ACTR8: variants seen among roughly 807,000 people sequenced by gnomAD.
The protein encoded by ACTR8 is actin-related protein 8.
ACTR8 carries 70 observed loss-of-function variants against 84.3 expected under a neutral mutation model. The observed-to-expected ratio is 0.83, with a 90% confidence interval of 0.68 to 1.01. The LOEUF (loss-of-function observed/expected upper bound fraction) is 1.01, where lower values mean the gene tolerates loss of function less well. Among genes scored for constraint, ACTR8 ranks in the 50% least tolerant of loss-of-function variants. ACTR8 has a pLI of 0.00. For missense variants in ACTR8, 672 were observed against 775.4 expected (o/e 0.87, Z 1.58); for synonymous variants, 268 against 275.2 (o/e 0.97, Z 0.26).
chr3:53,873,156 A>G (rs1202449842), intron 8 of ACTR8, 29 bp from the exon 9 acceptor site: 3 of 1,535,116 alleles, frequency 2.0e-6, no homozygotes, highest in Non-Finnish European at 2.7e-6. Context: ...GCTGTCAGTG[A>G]ATCAGTAAGA....
chr3:53,871,278 T>C lies in ACTR8; in HGVS notation c.1521A>G (p.Lys507=), dbSNP rs1433863199. The stretch of plus-strand genomic sequence containing the variant: ...GGATGGCTTTATCCAGGCCCAGGGC[T>C]TTTCCTTCAAACAGCGAGATGGCAG... ...RKTAISLFEG[K]ALGLDKAILH... Residue 507 remains lysine, a synonymous_variant, in exon 11 of 13, where the codon AAA becomes AAG. Coordinates refer to ENST00000335754, the MANE Select transcript of ACTR8 (RefSeq NM_022899.5). 1 of 1,614,230 alleles carries C rather than the reference T, an allele frequency of 6.2e-7. No individual in the cohort carries two copies. Among genetic ancestry groups the C allele is most frequent in the Non-Finnish European group, 8.5e-7 (1 of 1,180,020 alleles).
intron 4 of ACTR8, 65 bp downstream of exon 4, chr3:53,877,582 T>C: frequency 6.5e-7 from 1 of 1,532,064 alleles, no homozygotes; most frequent in Non-Finnish European, 9.0e-7. Context: ...GGTGGCAACG[T>C]AAATGAATTT....
Position 53,872,294 on chromosome 3 carries a change from A to G in ACTR8, c.1302+90T>C. On this transcript the variant is annotated intron_variant, in intron 10 of 12. Coordinates refer to ENST00000335754, the MANE Select transcript of ACTR8 (RefSeq NM_022899.5). ...TATATCAGTGTTATTATGCTGGAAG[A>G]TAGAACTGATTACAATGGCCTATTA... 2.2e-6 allele frequency: 3 copies of G among 1,355,020 alleles called. No individual in the cohort carries two copies. In the South Asian group the frequency reaches 5.4e-5, roughly 24 times the overall value. The allele number at this position is 1,355,020 out of a possible 1,614,324, so 83.9% of individuals were successfully genotyped here. A position where few individuals can be genotyped will look rare whatever the true frequency, so the allele number is the denominator to read the frequency against.
chr3:53,876,800 A>G, intron 5 of ACTR8, 87 bp from the exon 6 acceptor site: 1 of 657,082 alleles, frequency 1.5e-6, no homozygotes, highest in Non-Finnish European at 2.6e-6. Flanking sequence ...CTTCCCTCCA[A>G]AGGAGTAGCA....
downstream of ACTR8, among the ~76,000 whole-genome samples, chr3:53,864,582 G>T (rs1026305746): frequency 6.6e-6 from 1 of 152,120 alleles, no homozygotes; most frequent in Non-Finnish European, 1.5e-5. Context: ...TTCAGGTGAT[G>T]TGTTCAAAAG....
At chr3:53,877,886 T>C in intron 3 of ACTR8, 135 bp from the exon 4 acceptor site, 3 of 679,354 alleles carry the variant, frequency 4.4e-6, no homozygotes, top group Non-Finnish European at 7.5e-6. Flanking sequence ...AAATATTGAC[T>C]GGCTGCAAAA....
intron 10 of ACTR8, 104 bp from the exon 11 acceptor site, chr3:53,871,600 C>G: frequency 7.5e-7 from 1 of 1,339,704 alleles, no homozygotes; most frequent in Non-Finnish European, 1.0e-6. Context: ...AAAACAAAAG[C>G]CACACAGCAA....
rs1225541810 is a variant in ACTR8, at chr3:53,880,080, T to C, written c.153A>G (p.Ile51Met). ...TCCTTAAAGTTGTTGAACCTGGATGTATGACAATGATGAAGTTGCTCTGGA... is the reference window on the plus strand; with the variant it reads ...TCCTTAAAGTTGTTGAACCTGGATGCATGACAATGATGAAGTTGCTCTGGA... ...EQIQSNFIIVIHPGSTTLRIG... is the reference protein window; with the variant it reads ...EQIQSNFIIVMHPGSTTLRIG... The change falls in exon 2 of 13, where the codon ATA becomes ATG. Residue 51 changes from isoleucine to methionine, a missense_variant. Transcript: ENST00000335754. The C allele has an allele frequency of 8.7e-6, 14 of 1,613,882 alleles. No individual in the cohort carries two copies. Among genetic ancestry groups the C allele is most frequent in the Non-Finnish European group, 1.1e-5 (13 of 1,179,892 alleles).
At chr3:53,875,636 T>C (rs989657475) in intron 7 of ACTR8, among the ~76,000 whole-genome samples, 3 of 152,250 alleles carry the variant, frequency 2.0e-5, no homozygotes, top group African/African-American at 7.2e-5. Flanking sequence ...AGTAGCTCTA[T>C]GCCAAACCAC....
intron 6 of ACTR8, 63 bp downstream of exon 6, chr3:53,876,557 A>T: frequency 1.1e-6 from 1 of 914,012 alleles, no homozygotes; most frequent in Non-Finnish European, 1.7e-6. Context: ...AAATAAGATT[A>T]ACTCTGTCAT....
chr3:53,859,966 C>T, the ACTR8 span: 3,533 of 521,512 alleles, frequency 6.8e-3, 23 homozygotes, highest in Non-Finnish European at 0.01. Context: ...ACCGAGATTG[C>T]GCCACTGCAC....
Position 53,878,487 on chromosome 3 carries a change from T to G in ACTR8, c.295-20A>C. 7.0e-7 allele frequency: 1 copy of G among 1,438,382 alleles called. No homozygotes were observed. Among genetic ancestry groups the G allele is most frequent in the Non-Finnish European group, 9.8e-7 (1 of 1,022,840 alleles). The allele number at this position is 1,438,382 out of a possible 1,614,324, so 89.1% of individuals were successfully genotyped here. On this transcript the variant is annotated intron_variant, in intron 2 of 12. Coordinates refer to ENST00000335754, the MANE Select transcript of ACTR8 (RefSeq NM_022899.5). Reference sequence around the variant, plus strand: ...TGGTTTCTGGGGAAAAAATGAAAGATGAGCAGTACAAAGGATTTAATGAGA... The same window carrying G: ...TGGTTTCTGGGGAAAAAATGAAAGAGGAGCAGTACAAAGGATTTAATGAGA...
At chr3:53,865,213 G>A (rs1436249006), downstream of ACTR8, 6 of 1,613,960 alleles carry the variant, frequency 3.7e-6, no homozygotes, top group Non-Finnish European at 5.1e-6. Context: ...CATGAAGGAT[G>A]CCACTGCTTT....
At chr3:53,880,448 G>A (rs944766254) in intron 1 of ACTR8, among the ~76,000 whole-genome samples, 1 of 152,162 alleles carries the variant, frequency 6.6e-6, no homozygotes, top group Non-Finnish European at 1.5e-5. Context: ...CTGAATTCAC[G>A]GATCTGTCTG....
At chr3:53,862,165 A>G (rs1576847645), downstream of ACTR8, among the ~76,000 whole-genome samples, 1 of 152,162 alleles carries the variant, frequency 6.6e-6, no homozygotes, top group Admixed American at 6.5e-5. Flanking sequence ...TTGATATTGG[A>G]CAATGCCCCC....
chr3:53,872,664 T>G (rs112960618), intron 9 of ACTR8, 140 bp from the exon 10 acceptor site: 25 of 1,097,922 alleles, frequency 2.3e-5, no homozygotes, highest in African/African-American at 2.2e-4. Context: ...CTTTCGGGAG[T>G]GGCATTATTT....
chr3:53,871,234 C>A lies in ACTR8; in HGVS notation c.1565G>T (p.Cys522Phe). ...DKAILHSIDC[C>F]SSDDTKKKMY... The stretch of plus-strand genomic sequence containing the variant: ...CCGGTCTCCCCAGATGTGCTTACAA[C>A]AGCAGTCTATGCTATGGAGGATGGC... The change falls in exon 11 of 13, where the codon TGT becomes TTT. Residue 522 changes from cysteine to phenylalanine, a missense_variant and splice_region_variant. Coordinates refer to ENST00000335754, the MANE Select transcript of ACTR8 (RefSeq NM_022899.5). 1 of 1,612,024 alleles carries A rather than the reference C, an allele frequency of 6.2e-7. No homozygotes were observed. Among genetic ancestry groups the A allele is most frequent in the Non-Finnish European group, 8.5e-7 (1 of 1,178,150 alleles).
chr3:53,881,923 C>G, intron 1 of ACTR8, 56 bp downstream of exon 1: 2 of 1,550,752 alleles, frequency 1.3e-6, no homozygotes, highest in South Asian at 2.4e-5. Flanking sequence ...CGCCCCTTGC[C>G]TGGCAGCGGA....
intron 8 of ACTR8, among the ~76,000 whole-genome samples, chr3:53,873,995 T>C (rs13083005): frequency 6.6e-6 from 1 of 152,088 alleles, no homozygotes; most frequent in African/African-American, 2.4e-5. Flanking sequence ...CGGCTAATTT[T>C]TTGTATTTTT....
Sources: gnomAD v4.1 joint callset for allele counts (sites outside exome capture counted in the v4.1 genomes callset) on GRCh38, gnomAD v4.1.1 for gene constraint, MANE v1.5 for transcripts, NCBI Gene and HGNC (gene_info 2026-07-23, HGNC 2026-07-21) for gene names.